The following ARMC2 variants were observed in gnomAD, a reference collection of about 807,000 sequenced individuals.
ARMC2 encodes the protein armadillo repeat containing 2.
In ARMC2, 67 loss-of-function variants were observed where a neutral mutation model predicts 90.3. The ratio of observed to expected loss-of-function variants is 0.74; its 90% CI spans 0.61 to 0.91. The LOEUF (loss-of-function observed/expected upper bound fraction) is 0.91. ARMC2 is among the 40% of genes least tolerant of loss of function. ARMC2 has a pLI of 0.00. For synonymous variants in ARMC2, 393 were observed against 393.0 expected, an observed-to-expected ratio of 1.00 and a Z score of 0.00; for missense variants, 920 against 1,030.9, an observed-to-expected ratio of 0.89 and a Z score of 1.47.
chr6:108,873,164 A>G (rs1776594178), intron 4 of ARMC2, among the ~76,000 whole-genome samples: 1 of 152,234 alleles, frequency 6.6e-6, no homozygotes, highest in African/African-American at 2.4e-5. Flanking sequence ...GCAGCCATCC[A>G]CCAATTTATG....
At chr6:109,013,331 G>C in the ARMC2 span, among the ~76,000 whole-genome samples, 1 of 152,270 alleles carries the variant, frequency 6.6e-6, no homozygotes, top group East Asian at 1.9e-4. Flanking sequence ...GCAGTCTTCG[G>C]AACAATGGGA....
rs149099184 is a variant in ARMC2, at chr6:108,892,620, A to G, written c.672-1847A>G. Among the ~76,000 whole-genome samples the G allele has an allele frequency of 4.2e-3, 637 of 152,022 alleles. 3 individuals are homozygous for G. Among genetic ancestry groups the G allele is most frequent in the African/African-American group, 0.014 (597 of 41,470 alleles). On this transcript the variant is annotated intron_variant, in intron 5 of 17. Transcript: ENST00000392644. The stretch of plus-strand genomic sequence containing the variant: ...ACTAAAAATACAAAATTAGCCAGGC[A>G]TGGTGGCACACGCCTGTAATCCCAG...
intron 12 of ARMC2, among the ~76,000 whole-genome samples, chr6:108,946,968 C>T (rs1159333949): frequency 6.6e-6 from 1 of 152,110 alleles, no homozygotes; most frequent in South Asian, 2.1e-4. Flanking sequence ...GAAGTGGTTG[C>T]GTGGGGCCAG....
chr6:108,904,869 G>C (rs534885998), intron 8 of ARMC2, among the ~76,000 whole-genome samples: 3 of 152,100 alleles, frequency 2.0e-5, no homozygotes, highest in African/African-American at 7.2e-5. Context: ...GGTGCTTTAG[G>C]AACCAGTGTG....
rs1030750702 is a variant in ARMC2, at chr6:108,889,993, C to T, written c.672-4474C>T. Among the ~76,000 whole-genome samples, 28 of 148,362 alleles carry T rather than the reference C, an allele frequency of 1.9e-4. 2 individuals carry two copies. Among genetic ancestry groups the T allele is most frequent in the African/African-American group, 6.5e-4 (26 of 40,056 alleles). ...CACGAGGTCAGGAGATCGAGACCAT[C>T]CCGGCTAAAACGGTGAAACCCCGTC... On this transcript the variant is annotated intron_variant, in intron 5 of 17. Coordinates refer to ENST00000392644, the MANE Select transcript of ARMC2 (RefSeq NM_032131.6).
At chr6:108,849,506 G>A (rs1773788345) in intron 1 of ARMC2, among the ~76,000 whole-genome samples, 1 of 152,130 alleles carries the variant, frequency 6.6e-6, no homozygotes, top group South Asian at 2.1e-4. Context: ...TTGTGCACAT[G>A]TACCCTAGAA....
chr6:109,029,888 ATCTAATTACG>A, the ARMC2 span, among the ~76,000 whole-genome samples: 4 of 152,108 alleles, frequency 2.6e-5, no homozygotes, highest in Non-Finnish European at 5.9e-5. Flanking sequence ...GTAAGTTTGT[ATCTAATTACG>A]TTATATTTTG....
intron 7 of ARMC2, among the ~76,000 whole-genome samples, chr6:108,901,428 T>TTC (rs397934279): frequency 6.7e-6 from 1 of 149,418 alleles, no homozygotes; most frequent in Non-Finnish European, 1.5e-5. Flanking sequence ...TTTTTTTTTT[T>TTC]CTTTTGAGAC....
At chr6:108,954,123 C>T (rs192761342) in intron 13 of ARMC2, among the ~76,000 whole-genome samples, 3 of 152,188 alleles carry the variant, frequency 2.0e-5, no homozygotes, top group Admixed American at 2.0e-4. Flanking sequence ...TAGGACCCTA[C>T]CCTTATGGGC....
chr6:109,000,330 C>A, the ARMC2 span: 1 of 482,270 alleles, frequency 2.1e-6, no homozygotes. Context: ...GCAAATGTAC[C>A]ACAGAAATGC....
chr6:109,051,881 G>T, the ARMC2 span, among the ~76,000 whole-genome samples: 3 of 152,136 alleles, frequency 2.0e-5, no homozygotes, highest in African/African-American at 7.2e-5. Context: ...CCTGTGTGAA[G>T]CCTCTTTTAT....
At chr6:108,927,939 G>T in intron 10 of ARMC2, 149 bp from the exon 11 acceptor site, 1 of 735,302 alleles carries the variant, frequency 1.4e-6, no homozygotes, top group Non-Finnish European at 2.1e-6. Flanking sequence ...CTTGTGCCTA[G>T]GCTCACATTC....
At chr6:108,893,884 G>A (rs1472719930) in intron 5 of ARMC2, among the ~76,000 whole-genome samples, 1 of 152,224 alleles carries the variant, frequency 6.6e-6, no homozygotes, top group African/African-American at 2.4e-5. Context: ...CGGGCATGGT[G>A]GCATGTGCCT....
chr6:109,019,651 A>C, the ARMC2 span, among the ~76,000 whole-genome samples: 1 of 152,186 alleles, frequency 6.6e-6, no homozygotes, highest in Non-Finnish European at 1.5e-5. Context: ...CTAAATCATA[A>C]AAATTTGACC....
chr6:108,975,980 T>C (rs1426908198), downstream of ARMC2, among the ~76,000 whole-genome samples: 2 of 152,250 alleles, frequency 1.3e-5, no homozygotes, highest in East Asian at 1.9e-4. Flanking sequence ...TAGTTTCTTT[T>C]GCTGTGCAGA....
the ARMC2 span, among the ~76,000 whole-genome samples, chr6:109,014,977 G>T: frequency 2.0e-5 from 3 of 152,014 alleles, no homozygotes; most frequent in Non-Finnish European, 4.4e-5. Context: ...CTGTATTTTT[G>T]GTTTACTGCT....
At chr6:109,040,145 C>T in the ARMC2 span, among the ~76,000 whole-genome samples, 1 of 152,172 alleles carries the variant, frequency 6.6e-6, no homozygotes, top group Admixed American at 6.6e-5. Flanking sequence ...ATTTGAATTG[C>T]TAGTCTTCAA....
intron 10 of ARMC2, among the ~76,000 whole-genome samples, chr6:108,919,200 G>A (rs1294370391): frequency 6.6e-6 from 1 of 152,164 alleles, no homozygotes; most frequent in Non-Finnish European, 1.5e-5. Flanking sequence ...AGTAATGAAG[G>A]TTGTACCAGG....
chr6:108,878,469 G>A (rs1777151696), intron 5 of ARMC2, among the ~76,000 whole-genome samples: 2 of 152,120 alleles, frequency 1.3e-5, no homozygotes, highest in African/African-American at 2.4e-5. Context: ...TGTGGTGTGT[G>A]TTTATCTGGC....
Sources: allele counts gnomAD v4.1 joint callset (sites outside exome capture counted in the v4.1 genomes callset), GRCh38; gene constraint gnomAD v4.1.1; transcripts MANE v1.5; gene names NCBI Gene and HGNC (gene_info 2026-07-23, HGNC 2026-07-21).